The following SENP7 variants were observed in gnomAD, a reference collection of about 807,000 sequenced individuals.
SENP7 encodes the protein SUMO specific peptidase 7.
In SENP7, 64 loss-of-function variants were observed where a neutral mutation model predicts 141.2. The observed-to-expected ratio is 0.45, with a 90% CI of 0.37 to 0.56. The LOEUF (loss-of-function observed/expected upper bound fraction) is 0.56, where lower values mean the gene tolerates loss of function less well. SENP7 is among the 20% of genes least tolerant of loss of function. SENP7 has a pLI of 0.00. For synonymous variants in SENP7, 382 were observed against 426.4 expected (o/e 0.90, Z 1.28); for missense variants, 1,025 against 1,212.2 (o/e 0.85, Z 2.29).
At chr3:101,443,012 G>A (rs371028466) in intron 4 of SENP7, among the ~76,000 whole-genome samples, 21 of 152,312 alleles carry the variant, frequency 1.4e-4, no homozygotes, top group African/African-American at 2.2e-4. Context: ...TTTTAGACAC[G>A]AAGTCCCTGC....
chr3:101,406,144 T>C (rs937999767), intron 5 of SENP7, among the ~76,000 whole-genome samples: 9 of 152,222 alleles, frequency 5.9e-5, no homozygotes, highest in African/African-American at 1.7e-4. Flanking sequence ...CATATGTTTA[T>C]TGTTGCACTA....
At chr3:101,454,235 G>A (rs1226187492) in intron 4 of SENP7, among the ~76,000 whole-genome samples, 1 of 152,208 alleles carries the variant, frequency 6.6e-6, no homozygotes, top group African/African-American at 2.4e-5. Flanking sequence ...TCTAAGAATG[G>A]GCACAGTGGC....
At chr3:101,458,865 C>G in intron 4 of SENP7, 90 bp downstream of exon 4, 1 of 685,072 alleles carries the variant, frequency 1.5e-6, no homozygotes, top group South Asian at 2.4e-5. Context: ...AACATGTGGT[C>G]ATAATTGAGA....
chr3:101,443,334 G>T (rs922406820), intron 4 of SENP7, among the ~76,000 whole-genome samples: 1 of 152,066 alleles, frequency 6.6e-6, no homozygotes, highest in Non-Finnish European at 1.5e-5. Flanking sequence ...CCAGTACCAT[G>T]CTGTTTTGGT....
rs754944508 is a variant in SENP7 at position 101,501,137 on chromosome 3, G to A, written c.41-18C>T. ...GATGATTTCTACAAAAACCAAAGAC[G>A]TGGTAAAAATTATCGTTTAACATCT... On this transcript the variant is annotated intron_variant, in intron 1 of 23. Coordinates refer to ENST00000394095, the MANE Select transcript of SENP7 (RefSeq NM_020654.5). 4.4e-5 allele frequency: 70 copies of A among 1,581,900 alleles called. No individual in the cohort carries two copies. Among genetic ancestry groups the A allele is most frequent in the South Asian group, 1.8e-4 (16 of 88,820 alleles).
chr3:101,340,971 C>T lies in SENP7; in HGVS notation c.2240+675G>A, dbSNP rs191726353. Among the ~76,000 whole-genome samples the T allele has an allele frequency of 9.2e-5, 14 of 152,258 alleles. 1 individual carries two copies. In the South Asian group the frequency reaches 2.3e-3, roughly 25 times the overall value. On this transcript the variant is annotated intron_variant, in intron 15 of 23. Transcript: ENST00000394095. ...ATGAAGGTATAATATGTACTTCTTG[C>T]GCCAGAAAGGTTCAGTATGGTAAGA...
At position 101,451,683 on chromosome 3, in the gene SENP7, C is replaced by G. The variant is rs536092786; in HGVS notation, c.284+7272G>C. ...TAAAAACCTTCATGCCAAAAACTCT[C>G]AATAAATTAGGTATTGATGGGACGT... is the stretch of plus-strand genomic sequence containing the variant. On this transcript the variant is annotated intron_variant, in intron 4 of 23. Transcript: ENST00000394095. Among the ~76,000 whole-genome samples, 32 of 152,336 alleles carry G rather than the reference C, an allele frequency of 2.1e-4. 2 individuals are homozygous for G. In the South Asian group the frequency reaches 6.6e-3, roughly 32 times the overall value.
rs1192061528 is a variant in SENP7, at chr3:101,367,887, T to G, written c.921A>C (p.Arg307Ser). ...AATATTGAGAATCAGGTAAATTATT[T>G]CTAAGCCTTCTCTTTGTCTTCCTGG... is the stretch of plus-strand genomic sequence containing the variant. The part of the protein sequence containing the change: ...LISRKTKRRL[R>S]NNLPDSQYCT... Residue 307 changes from arginine (R) to serine (S), a missense_variant, in exon 8 of 24, where the codon AGA (arginine) becomes AGC (serine). By Grantham distance (110) the Arg-to-Ser change is moderately radical. Coordinates refer to ENST00000394095, the MANE Select transcript of SENP7 (RefSeq NM_020654.5). The G allele has an allele frequency of 1.2e-6, 2 of 1,611,040 alleles. No homozygotes were observed. The highest frequency in any genetic ancestry group is 3.3e-5 in the Admixed American group (2 of 59,976).
At chr3:101,383,298 C>A (rs1287410420) in intron 6 of SENP7, among the ~76,000 whole-genome samples, 1 of 152,182 alleles carries the variant, frequency 6.6e-6, no homozygotes, top group Non-Finnish European at 1.5e-5. Flanking sequence ...CTGATGGCAG[C>A]AGCAGCAGCC....
intron 10 of SENP7, chr3:101,363,109 C>G: frequency 1.1e-6 from 1 of 908,168 alleles, no homozygotes; most frequent in Non-Finnish European, 1.3e-6. Context: ...TATTTTAAAC[C>G]CAGCTCATAA....
At chr3:101,358,135 C>A in intron 11 of SENP7, 1 of 518,592 alleles carries the variant, frequency 1.9e-6, no homozygotes, top group Non-Finnish European at 3.4e-6. Flanking sequence ...TCAAACCCTA[C>A]TAAACATAAG....
At chr3:101,503,375 C>T (rs2065467755) in intron 1 of SENP7, among the ~76,000 whole-genome samples, 1 of 152,234 alleles carries the variant, frequency 6.6e-6, no homozygotes, top group Non-Finnish European at 1.5e-5. Context: ...CCAACAATTA[C>T]ACTTTTAGAT....
chr3:101,434,717 C>A (rs1319090938), intron 4 of SENP7, among the ~76,000 whole-genome samples: 1 of 151,850 alleles, frequency 6.6e-6, no homozygotes, highest in Non-Finnish European at 1.5e-5. Flanking sequence ...AAGATTGAAC[C>A]ACGAAGAAAT....
chr3:101,412,253 T>C (rs933774133), intron 5 of SENP7, among the ~76,000 whole-genome samples: 2 of 152,118 alleles, frequency 1.3e-5, no homozygotes, highest in Non-Finnish European at 2.9e-5. Flanking sequence ...TTTCTAAAAT[T>C]GTGCTATGTG....
At chr3:101,369,247 A>G (rs534010859) in intron 7 of SENP7, among the ~76,000 whole-genome samples, 17 of 152,354 alleles carry the variant, frequency 1.1e-4, no homozygotes, top group Middle Eastern at 3.4e-3. Flanking sequence ...CAAAGTTTAT[A>G]CACAGCAAGT....
intron 3 of SENP7, among the ~76,000 whole-genome samples, chr3:101,471,392 G>A (rs2063987817): frequency 6.6e-6 from 1 of 152,176 alleles, no homozygotes; most frequent in South Asian, 2.1e-4. Context: ...ACAAAAACAA[G>A]AAATGGGGAA....
chr3:101,504,177 G>A (rs767513462), intron 1 of SENP7, among the ~76,000 whole-genome samples: 9 of 151,684 alleles, frequency 5.9e-5, no homozygotes, highest in Non-Finnish European at 1.0e-4. Flanking sequence ...TGGGCCAGGC[G>A]CGGTGGCTGA....
At chr3:101,479,020 C>T (rs2064339144) in intron 3 of SENP7, among the ~76,000 whole-genome samples, 1 of 151,980 alleles carries the variant, frequency 6.6e-6, no homozygotes, top group Admixed American at 6.6e-5. Flanking sequence ...GATAAAAATG[C>T]TCAAGAAACT....
chr3:101,432,153 A>G (rs2317702), intron 4 of SENP7, among the ~76,000 whole-genome samples: 60,330 of 152,054 alleles, frequency 0.4, 12,497 homozygotes, highest in Admixed American at 0.54. Flanking sequence ...TAGTCTGGCC[A>G]TACTCCTTGT....
Sources: allele counts gnomAD v4.1 joint callset (sites outside exome capture counted in the v4.1 genomes callset), GRCh38; gene constraint gnomAD v4.1.1; transcripts MANE v1.5; gene names NCBI Gene and HGNC (gene_info 2026-07-23, HGNC 2026-07-21).